The following CBL variants were observed in gnomAD, a reference collection of about 807,000 sequenced individuals.
CBL encodes Cbl proto-oncogene, also known as E3 ubiquitin-protein ligase CBL.
CBL carries 45 observed loss-of-function variants against 96.9 expected under a neutral mutation model. The ratio of observed to expected loss-of-function variants is 0.46; its 90% CI spans 0.37 to 0.60. The LOEUF (loss-of-function observed/expected upper bound fraction) is 0.60, where lower values mean the gene tolerates loss of function less well. CBL is among the 20% of genes least tolerant of loss of function. The probability of loss-of-function intolerance (pLI) is 0.00; values close to 1 mark genes in which losing one functional copy is unlikely to be tolerated. For missense variants in CBL, 1,024 were observed against 1,143.5 expected (o/e 0.90, Z 1.51); for synonymous variants, 420 against 426.8 (o/e 0.98, Z 0.20).
rs1433663090 is a variant in CBL, at chr11:119,304,323, C to T, written c.*4542C>T. 5 of 233,072 alleles carry T rather than the reference C, an allele frequency of 2.1e-5. No homozygotes were observed. Among genetic ancestry groups the T allele is most frequent in the Admixed American group, 5.6e-5 (1 of 17,778 alleles). The allele number at this position is 233,072 out of a possible 1,614,324, so 14.4% of individuals were successfully genotyped here. ...CTAGAGGGTGGTGGATAGTGAAGGA[C>T]GGTCAAGGTTATATTTTTGACTGCT... On this transcript the variant is annotated 3_prime_UTR_variant, in exon 16 of 16. Coordinates refer to ENST00000264033, the MANE Select transcript of CBL (RefSeq NM_005188.4).
At chr11:119,251,127 GCCTGATATA>G (rs1420095820) in intron 2 of CBL, among the ~76,000 whole-genome samples, 4 of 152,052 alleles carry the variant, frequency 2.6e-5, no homozygotes, top group African/African-American at 9.7e-5. Context: ...CTTGCTGTGT[GCCTGATATA>G]TTCAAAACTC....
intron 2 of CBL, among the ~76,000 whole-genome samples, chr11:119,241,816 A>C (rs1171727518): frequency 2.6e-5 from 4 of 152,188 alleles, no homozygotes; most frequent in Admixed American, 2.6e-4. Flanking sequence ...TGAGAGAGAC[A>C]ATGATGGCTT....
rs1327121121 is a variant in CBL at position 119,307,181 on chromosome 11, T to C, written c.*7400T>C. ...AGACTTCAGTGGAGGAGAGAAGCAT[T>C]GTACCCTGGGATCATTTGGTTGGTT... is the stretch of plus-strand genomic sequence containing the variant. On this transcript the variant is annotated 3_prime_UTR_variant, in exon 16 of 16. Transcript: ENST00000264033. 4.3e-6 allele frequency: 1 copy of C among 232,096 alleles called. No individual in the cohort carries two copies. Among genetic ancestry groups the C allele is most frequent in the East Asian group, 6.1e-5 (1 of 16,388 alleles). 14.4% of individuals were successfully genotyped at this position (232,096 alleles called of 1,614,324 possible). A position where few individuals can be genotyped will look rare whatever the true frequency, so the allele number is the denominator to read the frequency against.
At chr11:119,233,944 A>C (rs563254544) in intron 2 of CBL, among the ~76,000 whole-genome samples, 1 of 152,302 alleles carries the variant, frequency 6.6e-6, no homozygotes, top group Admixed American at 6.5e-5. Flanking sequence ...GCAACAAATT[A>C]CTCAGGTGTA....
At chr11:119,207,003 G>A (rs1949275159) in intron 1 of CBL, among the ~76,000 whole-genome samples, 1 of 152,064 alleles carries the variant, frequency 6.6e-6, no homozygotes, top group Non-Finnish European at 1.5e-5. Flanking sequence ...CAGGGAGGGG[G>A]TGAGGAAGAG....
At chr11:119,250,510 A>G (rs1949663085) in intron 2 of CBL, among the ~76,000 whole-genome samples, 1 of 152,208 alleles carries the variant, frequency 6.6e-6, no homozygotes, top group Non-Finnish European at 1.5e-5. Context: ...TTCTCAACCC[A>G]GAGTGACCGT....
In CBL at chr11:119,241,299, A is replaced by G. The variant is rs1330278768; in HGVS notation, c.443+8604A>G. On this transcript the variant is annotated intron_variant, in intron 2 of 15. Coordinates refer to ENST00000264033, the MANE Select transcript of CBL (RefSeq NM_005188.4). Reference sequence around the variant, plus strand: ...TTTGCACCTGTTTTCATTTGTGTACAGGAAGTTACAGTAGAAGCCGAATGG... The same window carrying G: ...TTTGCACCTGTTTTCATTTGTGTACGGGAAGTTACAGTAGAAGCCGAATGG... Among the ~76,000 whole-genome samples the G allele has an allele frequency of 3.3e-5, 5 of 152,302 alleles. No homozygotes were observed. In the East Asian group the frequency reaches 7.7e-4, roughly 24 times the overall value.
At position 119,232,465 on chromosome 11, in the gene CBL, G is replaced by A. The variant is rs2135266132; in HGVS notation, c.213G>A (p.Gln71=). ...KLMDKVVRLC[Q]NPKLALKNSP... ...TGTTGCAGGTGGTGCGGTTGTGTCA[G>A]AACCCAAAGCTGGCGCTAAAGAATA... The change falls in exon 2 of 16, where the codon CAG becomes CAA. Residue 71 remains glutamine (Q), a synonymous_variant. Transcript: ENST00000264033. The A allele has an allele frequency of 6.2e-7, 1 of 1,613,852 alleles. No individual in the cohort carries two copies. Among genetic ancestry groups the A allele is most frequent in the African/African-American group, 1.3e-5 (1 of 75,038 alleles).
At chr11:119,252,394 C>T (rs1949675733) in intron 2 of CBL, among the ~76,000 whole-genome samples, 1 of 151,998 alleles carries the variant, frequency 6.6e-6, no homozygotes, top group Non-Finnish European at 1.5e-5. Context: ...AATAGTGATT[C>T]CTTTCCTCCT....
chr11:119,225,699 C>T (rs1027990364), intron 1 of CBL, among the ~76,000 whole-genome samples: 1 of 149,496 alleles, frequency 6.7e-6, no homozygotes, highest in Non-Finnish European at 1.5e-5. Context: ...TGTAAGACAC[C>T]GTATCCAGCC....
intron 2 of CBL, among the ~76,000 whole-genome samples, chr11:119,269,452 G>A (rs1056049413): frequency 2.0e-5 from 3 of 151,774 alleles, no homozygotes; most frequent in African/African-American, 4.8e-5. Context: ...TGATGCATCC[G>A]CCTCGACCTC....
At chr11:119,274,395 TTGAC>T (rs1463713114) in intron 4 of CBL, among the ~76,000 whole-genome samples, 1 of 152,208 alleles carries the variant, frequency 6.6e-6, no homozygotes, top group African/African-American at 2.4e-5. Context: ...TTTATTGAAA[TTGAC>T]TGTTAATATT....
chr11:119,263,284 T>C (rs150741418), intron 2 of CBL, among the ~76,000 whole-genome samples: 168 of 152,282 alleles, frequency 1.1e-3, no homozygotes, highest in African/African-American at 3.7e-3. Context: ...AGTTTGAACT[T>C]TTTAAGTGGT....
intron 1 of CBL, among the ~76,000 whole-genome samples, chr11:119,210,994 T>C (rs1949312850): frequency 6.6e-6 from 1 of 152,140 alleles, no homozygotes; most frequent in African/African-American, 2.4e-5. Flanking sequence ...TTAGGCACAG[T>C]GAGAGATTAA....
intron 12 of CBL, among the ~76,000 whole-genome samples, chr11:119,295,196 GC>G (rs931800299): frequency 1.3e-5 from 2 of 152,118 alleles, no homozygotes; most frequent in African/African-American, 4.8e-5. Context: ...TGAAGTTATT[GC>G]CTAATTTTCC....
intron 2 of CBL, among the ~76,000 whole-genome samples, chr11:119,250,204 A>G (rs913737267): frequency 8.5e-5 from 13 of 152,224 alleles, no homozygotes; most frequent in African/African-American, 3.1e-4. Context: ...CTTGTGAGGC[A>G]GGACCAAAAT....
chr11:119,238,937 T>C lies in CBL; in HGVS notation c.443+6242T>C, dbSNP rs143586902. ...ATACTGTTTTCCGCTACATGAATAC[T>C]GGATATATTTCCACTTATATTTTTA... is the stretch of plus-strand genomic sequence containing the variant. On this transcript the variant is annotated intron_variant, in intron 2 of 15. Transcript: ENST00000264033. Among the ~76,000 whole-genome samples the C allele has an allele frequency of 5.1e-4, 77 of 152,312 alleles. 1 individual carries two copies. In the East Asian group the frequency reaches 0.012, roughly 23 times the overall value.
rs1949780055 is a variant in CBL at position 119,264,388 on chromosome 11, T to TTCTCTTCTC, written c.444-7346_444-7345insCTCTTCTCT. On this transcript the variant is annotated intron_variant, in intron 2 of 15. Coordinates refer to ENST00000264033, the MANE Select transcript of CBL (RefSeq NM_005188.4). ...TCTTTTATTATGATCTTTCTTTTCT[T>TTCTCTTCTC]TTCTCTTCTCTTCTCTTCTCTTCTC... Among the ~76,000 whole-genome samples the TTCTCTTCTC allele has an allele frequency of 7.0e-3, 932 of 133,826 alleles. 14 individuals are homozygous for TTCTCTTCTC. Among genetic ancestry groups the TTCTCTTCTC allele is most frequent in the African/African-American group, 0.02 (671 of 32,936 alleles). The allele number at this position is 133,826 out of a possible 152,430, so 87.8% of individuals were successfully genotyped here. A position where few individuals can be genotyped will look rare whatever the true frequency, so the allele number is the denominator to read the frequency against.
At chr11:119,227,846 C>T (rs1188742469) in intron 1 of CBL, among the ~76,000 whole-genome samples, 11 of 151,988 alleles carry the variant, frequency 7.2e-5, no homozygotes, top group Admixed American at 3.9e-4. Context: ...CACCGCGCCC[C>T]GCAAACCTTA....
Sources: gnomAD v4.1 joint callset for allele counts (sites outside exome capture counted in the v4.1 genomes callset) on GRCh38, gnomAD v4.1.1 for gene constraint, MANE v1.5 for transcripts, NCBI Gene and HGNC (gene_info 2026-07-23, HGNC 2026-07-21) for gene names.